Variants in DNLZ observed in about 807,000 individuals in gnomAD.
The protein encoded by DNLZ is DNL-type zinc finger protein.
Under a neutral mutation model 7.8 loss-of-function variants are expected in DNLZ, and 15 were observed. That is an observed-to-expected ratio of 1.91 (90% CI 1.28 to 2.95). DNLZ has a LOEUF of 2.95. DNLZ is among the 30% of genes most tolerant of loss of function. The probability of loss-of-function intolerance (pLI) is 0.00; values close to 1 mark genes in which losing one functional copy is unlikely to be tolerated. For synonymous variants in DNLZ, 123 were observed against 77.8 expected (o/e 1.58, Z -3.05); for missense variants, 255 against 167.3 (o/e 1.52, Z -2.89).
intron 1 of DNLZ, 128 bp downstream of exon 1, chr9:136,363,359 G>A (rs1443643022): frequency 4.2e-6 from 3 of 722,784 alleles, no homozygotes; most frequent in East Asian, 2.5e-5. Flanking sequence ...AAGCCCCAAG[G>A]GGTGGCTCCA....
chr9:136,362,197 C>T lies in DNLZ; in HGVS notation c.369-17G>A, dbSNP rs1458871416. 5 of 1,469,322 alleles carry T rather than the reference C, an allele frequency of 3.4e-6. No homozygotes were observed. Among genetic ancestry groups the T allele is most frequent in the South Asian group, 2.8e-5 (2 of 71,144 alleles). The allele number at this position is 1,469,322 out of a possible 1,614,324, so 91.0% of individuals were successfully genotyped here. A position where few individuals can be genotyped will look rare whatever the true frequency, so the allele number is the denominator to read the frequency against. The stretch of plus-strand genomic sequence containing the variant: ...TCGATATTTCTGGGGGGCAGGGAGG[C>T]AACATGGCTCTTCAGGGCCCCCCAG... On this transcript the variant is annotated splice_polypyrimidine_tract_variant and intron_variant, in intron 2 of 2. Coordinates refer to ENST00000371738, the MANE Select transcript of DNLZ (RefSeq NM_001080849.3).
rs1393495734 is a variant in DNLZ at position 136,363,545 on chromosome 9, G to A, written c.170C>T (p.Pro57Leu). 1.5e-5 allele frequency: 11 copies of A among 721,540 alleles called. No individual in the cohort carries two copies. The highest frequency in any genetic ancestry group is 2.8e-5 in the Non-Finnish European group (11 of 397,508). The allele number at this position is 721,540 out of a possible 1,614,324, so 44.7% of individuals were successfully genotyped here. The change falls in exon 1 of 3, where the codon CCC becomes CTC. Residue 57 changes from proline (P) to leucine (L), a missense_variant. By Grantham distance (98) the Pro-to-Leu change is moderately conservative (BLOSUM62 -3). Transcript: ENST00000371738. ...CTCCACGCGCCCCAGAGCCGCCGCGGGCCCCGGCCCCTGCTCGGAGCTTGA... is the reference window on the plus strand; with the variant it reads ...CTCCACGCGCCCCAGAGCCGCCGCGAGCCCCGGCCCCTGCTCGGAGCTTGA... ...RRSSSEQGPG[P>L]AAALGRVEAA...
Position 136,361,890 on chromosome 9 carries a change from AGGCCCCAGCATC to A in DNLZ, c.*110_*121del, listed in dbSNP as rs1209621516. 24 of 738,064 alleles carry A rather than the reference AGGCCCCAGCATC, an allele frequency of 3.3e-5. No individual in the cohort carries two copies. Among genetic ancestry groups the A allele is most frequent in the Admixed American group, 4.3e-5 (1 of 23,124 alleles). 45.7% of individuals were successfully genotyped at this position (738,064 alleles called of 1,614,324 possible). The stretch of plus-strand genomic sequence containing the variant: ...GAAAAAGAAAGGCCACGAGGGCCAC[AGGCCCCAGCATC>A]TGGAAGTAATGTCTGTTTATTGATA... On this transcript the variant is annotated 3_prime_UTR_variant, in exon 3 of 3. Transcript: ENST00000371738.
Position 136,362,118 on chromosome 9 carries a change from GC to G in DNLZ, c.430del (p.Ala144ProfsTer146). The G allele has an allele frequency of 4.7e-6, 7 of 1,496,120 alleles. No homozygotes were observed. The highest frequency in any genetic ancestry group is 2.6e-5 in the Admixed American group (1 of 39,100). 92.7% of individuals were successfully genotyped at this position (1,496,120 alleles called of 1,614,324 possible). Reference sequence around the variant, plus strand: ...TGCAGCCTCCAGAACCAGTTCCAGGGCCCCCTCGCCCGCCACACGGTGCACC... The same window carrying G: ...TGCAGCCTCCAGAACCAGTTCCAGGGCCCCTCGCCCGCCACACGGTGCACC... ...EQVHRVAGEG[A>X]LELVLEAAGA... On this transcript the variant is annotated frameshift_variant, in exon 3 of 3. Coordinates refer to ENST00000371738, the MANE Select transcript of DNLZ (RefSeq NM_001080849.3). LOFTEE classifies it low-confidence loss of function (END_TRUNC).
intron 2 of DNLZ, 138 bp downstream of exon 2, chr9:136,362,851 C>T (rs1833006019): frequency 1.4e-6 from 1 of 706,946 alleles, no homozygotes; most frequent in Non-Finnish European, 2.4e-6. Context: ...TCTCATTTAA[C>T]TGTGTGTCTT....
Position 136,360,950 on chromosome 9 carries a change from TGGA to T in DNLZ, c.*1059_*1061del, listed in dbSNP as rs1156431330. The T allele has an allele frequency of 3.3e-5, 5 of 152,040 alleles. No individual in the cohort carries two copies. The highest frequency in any genetic ancestry group is 1.2e-4 in the African/African-American group (5 of 41,360). The allele number at this position is 152,040 out of a possible 1,614,324, so 9.4% of individuals were successfully genotyped here. A position where few individuals can be genotyped will look rare whatever the true frequency, so the allele number is the denominator to read the frequency against. Reference sequence around the variant, plus strand: ...AAGAGACCCCCAGCCAGTGCCTCCATGGAGGAGCAGGCCTGGGTGCCGGTGGCT... The same window carrying T: ...AAGAGACCCCCAGCCAGTGCCTCCATGGAGCAGGCCTGGGTGCCGGTGGCT... On this transcript the variant is annotated 3_prime_UTR_variant, in exon 3 of 3. Coordinates refer to ENST00000371738, the MANE Select transcript of DNLZ (RefSeq NM_001080849.3).
Position 136,362,014 on chromosome 9 carries a change from A to G in DNLZ, c.535T>C (p.Ter179ArgextTer31). Residue 179 changes from the stop codon to arginine, a stop_lost, in exon 3 of 3, where the codon TGA becomes CGA. Coordinates refer to ENST00000371738, the MANE Select transcript of DNLZ (RefSeq NM_001080849.3). ...CACAGTGCCGGGGAGCGCAGGAGTC[A>G]GCTCGGCTCCGTCTTGCCAGGGCTG... Reference protein sequence around the residue: ...PPSPGKTEPS* With the variant: ...PPSPGKTEPSR 1 of 1,311,204 alleles carries G rather than the reference A, an allele frequency of 7.6e-7. No individual in the cohort carries two copies. The highest frequency in any genetic ancestry group is 9.8e-7 in the Non-Finnish European group (1 of 1,020,878). The allele number at this position is 1,311,204 out of a possible 1,614,324, so 81.2% of individuals were successfully genotyped here. A position where few individuals can be genotyped will look rare whatever the true frequency, so the allele number is the denominator to read the frequency against.
rs1832985923 is a variant in DNLZ at position 136,361,883 on chromosome 9, G to A, written c.*129C>T. On this transcript the variant is annotated 3_prime_UTR_variant, in exon 3 of 3. Transcript: ENST00000371738. The stretch of plus-strand genomic sequence containing the variant: ...AACTCCAGAAAAAGAAAGGCCACGA[G>A]GGCCACAGGCCCCAGCATCTGGAAG... 1.4e-6 allele frequency: 1 copy of A among 693,248 alleles called. No individual in the cohort carries two copies. Among genetic ancestry groups the A allele is most frequent in the Admixed American group, 4.3e-5 (1 of 23,056 alleles). The allele number at this position is 693,248 out of a possible 1,614,324, so 42.9% of individuals were successfully genotyped here. A position where few individuals can be genotyped will look rare whatever the true frequency, so the allele number is the denominator to read the frequency against.
rs1832957702 is a variant in DNLZ at position 136,360,198 on chromosome 9, C to T, written c.*1814G>A. ...CCTCTGTGCTGGTTGACTCCGTTGC[C>T]TCCTCCACCCCAGAAGGGGCCTTGG... On this transcript the variant is annotated 3_prime_UTR_variant, in exon 3 of 3. Transcript: ENST00000371738. 6.6e-6 allele frequency: 1 copy of T among 152,322 alleles called. No individual in the cohort carries two copies. Among genetic ancestry groups the T allele is most frequent in the South Asian group, 2.1e-4 (1 of 4,832 alleles). The allele number at this position is 152,322 out of a possible 1,614,324, so 9.4% of individuals were successfully genotyped here. A position where few individuals can be genotyped will look rare whatever the true frequency, so the allele number is the denominator to read the frequency against.
chr9:136,360,691 G>A lies in DNLZ; in HGVS notation c.*1321C>T, dbSNP rs998151629. On this transcript the variant is annotated 3_prime_UTR_variant, in exon 3 of 3. Coordinates refer to ENST00000371738, the MANE Select transcript of DNLZ (RefSeq NM_001080849.3). ...AGGATTTCCCTCCAGGGCCAGCCTG[G>A]GCCCAGAGGTGCTGGCATCAGACAG... 2.0e-5 allele frequency: 3 copies of A among 152,138 alleles called. No individual in the cohort carries two copies. Among genetic ancestry groups the A allele is most frequent in the Non-Finnish European group, 4.4e-5 (3 of 68,012 alleles). The allele number at this position is 152,138 out of a possible 1,614,324, so 9.4% of individuals were successfully genotyped here.
intron 2 of DNLZ, among the ~76,000 whole-genome samples, chr9:136,362,519 C>A (rs1246375754): frequency 6.6e-6 from 1 of 152,232 alleles, no homozygotes; most frequent in Non-Finnish European, 1.5e-5. Context: ...CCTGCTGTCG[C>A]TGTTACTGTC....
rs1260705070 is a variant in DNLZ at position 136,361,328 on chromosome 9, C to G, written c.*684G>C. ...ATAAACAGGCTGCTGTGTTTGCTCG[C>G]TTTCATAAACACGGGAACATCCTGC... On this transcript the variant is annotated 3_prime_UTR_variant, in exon 3 of 3. Transcript: ENST00000371738. The G allele has an allele frequency of 2.0e-5, 3 of 152,272 alleles. No individual in the cohort carries two copies. The highest frequency in any genetic ancestry group is 7.2e-5 in the African/African-American group (3 of 41,468). 9.4% of individuals were successfully genotyped at this position (152,272 alleles called of 1,614,324 possible).
Position 136,360,668 on chromosome 9 carries a change from G to C in DNLZ, c.*1344C>G, listed in dbSNP as rs1039936875. On this transcript the variant is annotated 3_prime_UTR_variant, in exon 3 of 3. Transcript: ENST00000371738. ...CTAGGAACGTGCCAGCCTTGGGAAG[G>C]ATTTCCCTCCAGGGCCAGCCTGGGC... 4 of 152,126 alleles carry C rather than the reference G, an allele frequency of 2.6e-5. No individual in the cohort carries two copies. The highest frequency in any genetic ancestry group is 2.0e-4 in the Admixed American group (3 of 15,276). 9.4% of individuals were successfully genotyped at this position (152,126 alleles called of 1,614,324 possible). A position where few individuals can be genotyped will look rare whatever the true frequency, so the allele number is the denominator to read the frequency against.
In DNLZ at chr9:136,361,853, G is replaced by A. The variant is rs758375097; in HGVS notation, c.*159C>T. On this transcript the variant is annotated 3_prime_UTR_variant, in exon 3 of 3. Transcript: ENST00000371738. ...GCAGCACCAGGGATTCAGAGCAATC[G>A]TTCTAACTCCAGAAAAAGAAAGGCC... 77 of 502,000 alleles carry A rather than the reference G, an allele frequency of 1.5e-4. No homozygotes were observed. Among genetic ancestry groups the A allele is most frequent in the Middle Eastern group, 5.4e-4 (1 of 1,864 alleles). 31.1% of individuals were successfully genotyped at this position (502,000 alleles called of 1,614,324 possible).
chr9:136,363,399 C>T, intron 1 of DNLZ, 88 bp downstream of exon 1: 3 of 755,256 alleles, frequency 4.0e-6, no homozygotes, highest in East Asian at 2.4e-5. Context: ...CACGCCGCCT[C>T]CCGGATCCCC....
At position 136,362,182 on chromosome 9, in the gene DNLZ, T is replaced by TG; in HGVS notation, c.369-3dup. 3.4e-6 allele frequency: 5 copies of TG among 1,484,992 alleles called. No individual in the cohort carries two copies. Among genetic ancestry groups the TG allele is most frequent in the South Asian group, 1.4e-5 (1 of 73,090 alleles). 92.0% of individuals were successfully genotyped at this position (1,484,992 alleles called of 1,614,324 possible). On this transcript the variant is annotated splice_polypyrimidine_tract_variant and splice_region_variant and intron_variant, in intron 2 of 2. Transcript: ENST00000371738. ...GCCGTCAGGATCTCTTCGATATTTC[T>TG]GGGGGGCAGGGAGGCAACATGGCTC...
chr9:136,359,852 C>G lies in DNLZ; in HGVS notation c.*2160G>C. ...GGAAACAGAGCATGCTCTGAGCTGA[C>G]ACTCACGTGGCCGGGACCAGCCCCC... On this transcript the variant is annotated 3_prime_UTR_variant, in exon 3 of 3. Coordinates refer to ENST00000371738, the MANE Select transcript of DNLZ (RefSeq NM_001080849.3). 1 of 152,316 alleles carries G rather than the reference C, an allele frequency of 6.6e-6. No homozygotes were observed. The highest frequency in any genetic ancestry group is 1.9e-4 in the East Asian group (1 of 5,194). The allele number at this position is 152,316 out of a possible 1,614,324, so 9.4% of individuals were successfully genotyped here. A position where few individuals can be genotyped will look rare whatever the true frequency, so the allele number is the denominator to read the frequency against.
At chr9:136,363,450 C>A (rs774831802) in intron 1 of DNLZ, 37 bp downstream of exon 1, 3 of 762,064 alleles carry the variant, frequency 3.9e-6, no homozygotes, top group African/African-American at 3.4e-5. Flanking sequence ...GCGTCAGATA[C>A]GGGTCTGTCC....
At position 136,363,705 on chromosome 9, in the gene DNLZ, T is replaced by C. The variant is rs775631779; in HGVS notation, c.10A>G (p.Thr4Ala). ...AACCTCGGCGCGCCGCGCAGCGCAG[T>C]CCGCAGCATCCCGCTCGCCGGCTCC... MLR[T>A]ALRGAPRLLS... The change falls in exon 1 of 3, where the codon ACT (threonine) becomes GCT (alanine). Residue 4 changes from threonine to alanine, a missense_variant. Coordinates refer to ENST00000371738, the MANE Select transcript of DNLZ (RefSeq NM_001080849.3). 61 of 462,344 alleles carry C rather than the reference T, an allele frequency of 1.3e-4. No individual in the cohort carries two copies. Among genetic ancestry groups the C allele is most frequent in the African/African-American group, 8.9e-4 (42 of 47,424 alleles). 28.6% of individuals were successfully genotyped at this position (462,344 alleles called of 1,614,324 possible).
Sources: allele counts gnomAD v4.1 joint callset (sites outside exome capture counted in the v4.1 genomes callset), GRCh38; gene constraint gnomAD v4.1.1; transcripts MANE v1.5; gene names NCBI Gene and HGNC (gene_info 2026-07-23, HGNC 2026-07-21).